Variants in HSD17B12 observed in about 807,000 individuals in gnomAD.
The protein encoded by HSD17B12 is hydroxysteroid 17-beta dehydrogenase 12.
In HSD17B12, 32 loss-of-function variants were observed where a neutral mutation model predicts 39.3. That is an observed-to-expected ratio of 0.81 (90% CI 0.61 to 1.09). The LOEUF is 1.09. HSD17B12 is among the 50% of genes least tolerant of loss of function. HSD17B12 has a pLI of 0.00. For synonymous variants in HSD17B12, 150 were observed against 146.7 expected (o/e 1.02, Z -0.16); for missense variants, 342 against 382.9 (o/e 0.89, Z 0.89).
At chr11:43,738,445 C>T (rs1204568880) in intron 1 of HSD17B12, among the ~76,000 whole-genome samples, 1 of 151,714 alleles carries the variant, frequency 6.6e-6, no homozygotes, top group Non-Finnish European at 1.5e-5. Flanking sequence ...AGGACAGCCT[C>T]AGAATTCTTT....
chr11:43,594,735 C>A, the HSD17B12 span, among the ~76,000 whole-genome samples: 1 of 152,024 alleles, frequency 6.6e-6, no homozygotes, highest in African/African-American at 2.4e-5. Context: ...GTGCATTAGT[C>A]GTTTGTTTTT....
intron 1 of HSD17B12, among the ~76,000 whole-genome samples, chr11:43,703,789 T>A (rs979979765): frequency 2.6e-5 from 4 of 152,160 alleles, no homozygotes; most frequent in African/African-American, 9.6e-5. Context: ...TTTATTTGTA[T>A]CTTTCTTTTT....
chr11:43,658,806 G>C, the HSD17B12 span, among the ~76,000 whole-genome samples: 3 of 152,308 alleles, frequency 2.0e-5, no homozygotes, highest in African/African-American at 7.2e-5. Context: ...CGCCCCTACT[G>C]GGGGGTGCCT....
chr11:43,795,702 G>C lies in HSD17B12; in HGVS notation c.284-2618G>C, dbSNP rs1950910658. 2.6e-5 allele frequency among the ~76,000 whole-genome samples: 4 copies of C among 152,318 alleles called. No homozygotes were observed. In the South Asian group the frequency reaches 8.3e-4, roughly 32 times the overall value. ...CTCCAGGAAAGGAGCCAGCCTAAGG[G>C]AAAAGAGAGGAGGGTGGGAAAATCC... On this transcript the variant is annotated intron_variant, in intron 3 of 10. Coordinates refer to ENST00000278353, the MANE Select transcript of HSD17B12 (RefSeq NM_016142.3).
chr11:43,701,283 G>C (rs192341004), intron 1 of HSD17B12, among the ~76,000 whole-genome samples: 2 of 151,986 alleles, frequency 1.3e-5, no homozygotes, highest in Non-Finnish European at 2.9e-5. Flanking sequence ...TCCATTCTGT[G>C]GGTTGTCTCT....
At chr11:43,732,530 A>G (rs1950278768) in intron 1 of HSD17B12, among the ~76,000 whole-genome samples, 1 of 151,826 alleles carries the variant, frequency 6.6e-6, no homozygotes, top group Non-Finnish European at 1.5e-5. Context: ...TGGCCCAGTC[A>G]TAACTCACTG....
At chr11:43,641,375 T>C in the HSD17B12 span, among the ~76,000 whole-genome samples, 10,165 of 152,014 alleles carry the variant, frequency 0.067, 471 homozygotes, top group Non-Finnish European at 0.099. Context: ...TTAAAAAATA[T>C]TTAGCAAAAT....
intron 1 of HSD17B12, among the ~76,000 whole-genome samples, chr11:43,732,914 G>C (rs1565067661): frequency 6.6e-6 from 1 of 152,202 alleles, no homozygotes; most frequent in Non-Finnish European, 1.5e-5. Context: ...TGGAATTACA[G>C]ATGTGAGCCA....
chr11:43,663,763 A>C, the HSD17B12 span, among the ~76,000 whole-genome samples: 5 of 152,236 alleles, frequency 3.3e-5, no homozygotes, highest in African/African-American at 1.2e-4. Flanking sequence ...GTTTACGTAC[A>C]GGGTGCCAAG....
chr11:43,605,235 T>C, the HSD17B12 span, among the ~76,000 whole-genome samples: 3 of 152,106 alleles, frequency 2.0e-5, no homozygotes, highest in South Asian at 4.2e-4. Context: ...GTCCATGGAA[T>C]GACTGGGGAT....
At chr11:43,610,698 A>C in the HSD17B12 span, among the ~76,000 whole-genome samples, 1 of 152,184 alleles carries the variant, frequency 6.6e-6, no homozygotes, top group Non-Finnish European at 1.5e-5. Context: ...TTTGCAGGGA[A>C]CCATGAGCAG....
chr11:43,839,502 T>G (rs1427279461), intron 8 of HSD17B12, among the ~76,000 whole-genome samples: 1 of 152,148 alleles, frequency 6.6e-6, no homozygotes, highest in Non-Finnish European at 1.5e-5. Flanking sequence ...GGTTGTATTA[T>G]CAGAAGAAGA....
intron 1 of HSD17B12, among the ~76,000 whole-genome samples, chr11:43,696,009 C>G (rs141554371): frequency 1.3e-5 from 2 of 152,108 alleles, no homozygotes; most frequent in South Asian, 2.1e-4. Flanking sequence ...TTCCACCCTC[C>G]GAAAGGCCCA....
At chr11:43,585,601 T>C in the HSD17B12 span, among the ~76,000 whole-genome samples, 1 of 152,276 alleles carries the variant, frequency 6.6e-6, no homozygotes, top group African/African-American at 2.4e-5. Context: ...AAATAATACG[T>C]AAATTGACTG....
chr11:43,663,043 A>T, the HSD17B12 span, among the ~76,000 whole-genome samples: 11 of 151,524 alleles, frequency 7.3e-5, no homozygotes, highest in African/African-American at 2.7e-4. Context: ...AATTAGATTT[A>T]AAAAAAATTT....
chr11:43,699,064 A>G (rs1949938684), intron 1 of HSD17B12, among the ~76,000 whole-genome samples: 1 of 152,194 alleles, frequency 6.6e-6, no homozygotes, highest in Non-Finnish European at 1.5e-5. Context: ...CATATACAAA[A>G]GGTATGTATG....
chr11:43,748,396 T>C (rs1467384975), intron 1 of HSD17B12, among the ~76,000 whole-genome samples: 1 of 152,074 alleles, frequency 6.6e-6, no homozygotes, highest in African/African-American at 2.4e-5. Context: ...TACTTATAAG[T>C]GGGAGCTAAA....
At chr11:43,561,154 G>A in the HSD17B12 span, among the ~76,000 whole-genome samples, 1 of 152,156 alleles carries the variant, frequency 6.6e-6, no homozygotes, top group Non-Finnish European at 1.5e-5. Flanking sequence ...CCATCCAGGA[G>A]ATACCCTGAC....
At chr11:43,682,688 A>G (rs1949761129) in intron 1 of HSD17B12, among the ~76,000 whole-genome samples, 1 of 152,238 alleles carries the variant, frequency 6.6e-6, no homozygotes, top group Non-Finnish European at 1.5e-5. Flanking sequence ...AAAAGACTAC[A>G]AGATTTTTAT....
Sources: allele counts gnomAD v4.1 joint callset (sites outside exome capture counted in the v4.1 genomes callset), GRCh38; gene constraint gnomAD v4.1.1; transcripts MANE v1.5; gene names NCBI Gene and HGNC (gene_info 2026-07-23, HGNC 2026-07-21).